ADGRB3: variants seen among roughly 807,000 people sequenced by gnomAD.
ADGRB3 encodes the protein adhesion G protein-coupled receptor B3.
In ADGRB3, 37 loss-of-function variants were observed where a neutral mutation model predicts 193.4. The ratio of observed to expected loss-of-function variants is 0.19; its 90% CI spans 0.15 to 0.25. The LOEUF is 0.25. Ranked by LOEUF, ADGRB3 falls within the 10% of genes least tolerant of loss-of-function variation. The pLI is 1.00. For missense variants in ADGRB3, 1,637 were observed against 1,852.9 expected (o/e 0.88, Z 2.14); for synonymous variants, 690 against 644.2 (o/e 1.07, Z -1.08).
intron 17 of ADGRB3, among the ~76,000 whole-genome samples, chr6:69,090,356 A>G (rs1303937360): frequency 2.6e-5 from 4 of 152,192 alleles, no homozygotes; most frequent in Non-Finnish European, 5.9e-5. Context: ...GTGCATACCA[A>G]AATGATGAGT....
intron 3 of ADGRB3, among the ~76,000 whole-genome samples, chr6:68,740,553 C>T (rs1302119380): frequency 2.6e-5 from 4 of 152,198 alleles, no homozygotes; most frequent in African/African-American, 9.6e-5. Context: ...CTAGATACAA[C>T]TGTTTATTAA....
rs1311619699 is a variant in ADGRB3 at position 68,956,672 on chromosome 6, A to G, written c.1388A>G (p.His463Arg). The G allele has an allele frequency of 1.2e-6, 2 of 1,614,048 alleles. No homozygotes were observed. Among genetic ancestry groups the G allele is most frequent in the Non-Finnish European group, 1.7e-6 (2 of 1,179,984 alleles). ...TANGQWNQWGHWSGCSKSCDG... is the reference protein window; with the variant it reads ...TANGQWNQWGRWSGCSKSCDG... Reference sequence around the variant, plus strand: ...AATGGTCAATGGAATCAGTGGGGTCATTGGAGTGGTTGTTCCAAGTCCTGT... The same window carrying G: ...AATGGTCAATGGAATCAGTGGGGTCGTTGGAGTGGTTGTTCCAAGTCCTGT... The change falls in exon 8 of 32, where the codon CAT (histidine) becomes CGT (arginine). Residue 463 changes from histidine (H) to arginine (R), a missense_variant. Transcript: ENST00000370598.
intron 30 of ADGRB3, among the ~76,000 whole-genome samples, chr6:69,382,274 A>AAT (rs1370763426): frequency 1.3e-5 from 2 of 151,916 alleles, no homozygotes; most frequent in South Asian, 4.1e-4. Context: ...TAAGAAGCTC[A>AAT]ATCATTATGC....
chr6:69,084,179 G>T (rs3799027), intron 17 of ADGRB3, among the ~76,000 whole-genome samples: 26,467 of 151,930 alleles, frequency 0.17, 4,213 homozygotes, highest in East Asian at 0.81. Flanking sequence ...TTTTCCCTCT[G>T]GCCCCACGGT....
chr6:68,767,123 A>G (rs913204784), intron 3 of ADGRB3, among the ~76,000 whole-genome samples: 1 of 152,082 alleles, frequency 6.6e-6, no homozygotes, highest in African/African-American at 2.4e-5. Context: ...TTAATTGTAT[A>G]TTTCTAGAGG....
intron 3 of ADGRB3, among the ~76,000 whole-genome samples, chr6:68,688,108 A>C (rs1210125434): frequency 6.6e-6 from 1 of 152,182 alleles, no homozygotes; most frequent in Non-Finnish European, 1.5e-5. Context: ...CTTTACATCC[A>C]GGCACTGTTT....
intron 17 of ADGRB3, among the ~76,000 whole-genome samples, chr6:69,215,062 C>T (rs967272533): frequency 6.6e-6 from 1 of 151,862 alleles, no homozygotes; most frequent in Non-Finnish European, 1.5e-5. Context: ...AAATACTCTT[C>T]AAAATTGTAA....
intron 3 of ADGRB3, among the ~76,000 whole-genome samples, chr6:68,688,602 T>G (rs1765021172): frequency 6.6e-6 from 1 of 152,180 alleles, no homozygotes; most frequent in African/African-American, 2.4e-5. Context: ...AACGTTTTCT[T>G]GGAAAGAGAC....
At chr6:69,253,780 T>C (rs912727686) in intron 20 of ADGRB3, among the ~76,000 whole-genome samples, 3 of 152,140 alleles carry the variant, frequency 2.0e-5, no homozygotes, top group Non-Finnish European at 2.9e-5. Context: ...GTACTATATA[T>C]TTTCAATATA....
At chr6:69,276,569 T>C (rs956445524) in intron 20 of ADGRB3, among the ~76,000 whole-genome samples, 1 of 152,210 alleles carries the variant, frequency 6.6e-6, no homozygotes, top group Admixed American at 6.5e-5. Flanking sequence ...ACATTTACAA[T>C]ATGTGAAGTG....
intron 3 of ADGRB3, among the ~76,000 whole-genome samples, chr6:68,729,763 T>A (rs188140249): frequency 4.6e-5 from 7 of 151,736 alleles, no homozygotes; most frequent in Admixed American, 4.6e-4. Context: ...GAGGGAAGCA[T>A]AGTCAGATAA....
intron 24 of ADGRB3, among the ~76,000 whole-genome samples, chr6:69,338,306 A>G (rs1768895490): frequency 6.6e-6 from 1 of 152,194 alleles, no homozygotes; most frequent in Non-Finnish European, 1.5e-5. Context: ...CTCTTTTATT[A>G]TCAACTAATA....
At position 69,144,531 on chromosome 6, in the gene ADGRB3, T is replaced by A. The variant is rs553562689; in HGVS notation, c.2480+68493T>A. Reference sequence around the variant, plus strand: ...TTTGGCTTTTCCCCATTCAGTATGATCCTATCCATGGGTCTGTTTTAAATG... The same window carrying A: ...TTTGGCTTTTCCCCATTCAGTATGAACCTATCCATGGGTCTGTTTTAAATG... On this transcript the variant is annotated intron_variant, in intron 17 of 31. Transcript: ENST00000370598. 3.0e-4 allele frequency among the ~76,000 whole-genome samples: 46 copies of A among 152,322 alleles called. No individual in the cohort carries two copies. In the South Asian group the frequency reaches 9.3e-3, roughly 31 times the overall value.
intron 3 of ADGRB3, among the ~76,000 whole-genome samples, chr6:68,907,888 G>A (rs1225247500): frequency 6.6e-6 from 1 of 151,780 alleles, no homozygotes; most frequent in African/African-American, 2.4e-5. Flanking sequence ...TATGTATCAA[G>A]AAAGAACTTT....
chr6:69,290,693 TCAAA>T (rs1210250823), intron 20 of ADGRB3, among the ~76,000 whole-genome samples: 4 of 152,222 alleles, frequency 2.6e-5, no homozygotes, highest in Non-Finnish European at 5.9e-5. Flanking sequence ...AGTGTTTATG[TCAAA>T]CAAATAAGTA....
chr6:69,292,358 A>T (rs1327909537), intron 20 of ADGRB3, among the ~76,000 whole-genome samples: 1 of 152,136 alleles, frequency 6.6e-6, no homozygotes, highest in Non-Finnish European at 1.5e-5. Context: ...AGGTCATCCC[A>T]ATTCTCCTTC....
chr6:68,811,199 T>C (rs2127375682), intron 3 of ADGRB3, among the ~76,000 whole-genome samples: 1 of 152,214 alleles, frequency 6.6e-6, no homozygotes, highest in South Asian at 2.1e-4. Context: ...ACTTAATATC[T>C]ATTTCTACTT....
chr6:69,198,653 A>T (rs566543797), intron 17 of ADGRB3, among the ~76,000 whole-genome samples: 1 of 152,216 alleles, frequency 6.6e-6, no homozygotes, highest in South Asian at 2.1e-4. Flanking sequence ...AAATAAAGGA[A>T]CACAAGGAAA....
intron 23 of ADGRB3, 147 bp downstream of exon 23, chr6:69,330,719 A>G (rs1231040624): frequency 2.0e-6 from 1 of 506,512 alleles, no homozygotes. Context: ...AATATAAATT[A>G]TTATTCAGCC....
Sources: allele counts gnomAD v4.1 joint callset (sites outside exome capture counted in the v4.1 genomes callset), GRCh38; gene constraint gnomAD v4.1.1; transcripts MANE v1.5; gene names NCBI Gene and HGNC (gene_info 2026-07-23, HGNC 2026-07-21).